The following TASOR variants were observed in gnomAD, a reference collection of about 807,000 sequenced individuals.
TASOR encodes the protein transcription activation suppressor, also known as protein TASOR.
A neutral mutation model predicts 178.6 loss-of-function variants in TASOR; 53 were observed. The observed-to-expected ratio is 0.30, with a 90% CI of 0.24 to 0.37. The LOEUF is 0.37. TASOR is among the 10% of genes least tolerant of loss of function. The pLI is 1.00. For missense variants in TASOR, 1,815 were observed against 1,971.4 expected, an observed-to-expected ratio of 0.92 and a Z score of 1.50; for synonymous variants, 713 against 696.2, an observed-to-expected ratio of 1.02 and a Z score of -0.38.
intron 11 of TASOR, among the ~76,000 whole-genome samples, chr3:56,660,489 C>CA (rs35016053): frequency 0.064 from 4,222 of 65,674 alleles, 206 homozygotes; most frequent in African/African-American, 0.13. Context: ...GACTCCGTCT[C>CA]AAAAAAAAAA....
At chr3:56,649,383 A>C (rs968878903) in intron 11 of TASOR, among the ~76,000 whole-genome samples, 1 of 152,202 alleles carries the variant, frequency 6.6e-6, no homozygotes, top group Non-Finnish European at 1.5e-5. Flanking sequence ...ATCAGTTCAA[A>C]AGACATGTTT....
chr3:56,660,085 TCTC>T (rs2107608861), intron 11 of TASOR, among the ~76,000 whole-genome samples: 1 of 151,994 alleles, frequency 6.6e-6, no homozygotes, highest in East Asian at 2.0e-4. Flanking sequence ...ATGGTCCCGA[TCTC>T]CTGATCTTAT....
chr3:56,675,133 A>C (rs1025045234), intron 1 of TASOR, among the ~76,000 whole-genome samples: 1 of 148,796 alleles, frequency 6.7e-6, no homozygotes, highest in African/African-American at 2.5e-5. Flanking sequence ...CAGGACATTT[A>C]AGTTTTTATC....
intron 11 of TASOR, among the ~76,000 whole-genome samples, chr3:56,656,508 T>G (rs1288484024): frequency 6.6e-6 from 1 of 152,090 alleles, no homozygotes; most frequent in African/African-American, 2.4e-5. Context: ...GGAGAATTCC[T>G]TGAACCTGGG....
intron 11 of TASOR, among the ~76,000 whole-genome samples, chr3:56,653,550 T>C (rs545077613): frequency 2.3e-4 from 35 of 151,212 alleles, no homozygotes; most frequent in African/African-American, 8.2e-4. Flanking sequence ...ATAGAAGCCA[T>C]AAGACACTGC....
intron 23 of TASOR, chr3:56,623,893 A>AT (rs1559810253): frequency 1.9e-5 from 28 of 1,457,842 alleles, no homozygotes; most frequent in Non-Finnish European, 2.5e-5. Context: ...ATAAAATAAA[A>AT]TTTTTTGACA....
At position 56,682,865 on chromosome 3, in the gene TASOR, T is replaced by C. The variant is rs763048926; in HGVS notation, c.142A>G (p.Ile48Val). The C allele has an allele frequency of 3.2e-5, 49 of 1,549,438 alleles. 1 individual carries two copies. In the Middle Eastern group the frequency reaches 6.7e-4, roughly 21 times the overall value. The change falls in exon 1 of 24, where the codon ATC becomes GTC. Residue 48 changes from isoleucine (I) to valine (V), a missense_variant. This residue lies in a region of TASOR where 244 missense variants were observed against 202.7 expected (regional missense o/e 1.20). Transcript: ENST00000683822. The stretch of plus-strand genomic sequence containing the variant: ...CCAGCGCCGCCGCTGGGCTCAGCGA[T>C]GTTGAGGCCGCCGCCGCCGCCATTT... ...QQNGGGGGLNIAEPSGGAGRE... is the reference protein window; with the variant it reads ...QQNGGGGGLNVAEPSGGAGRE...
chr3:56,629,613 T>C (rs1245766115), intron 18 of TASOR, among the ~76,000 whole-genome samples: 1 of 152,244 alleles, frequency 6.6e-6, no homozygotes, highest in Non-Finnish European at 1.5e-5. Context: ...AACATGGTAC[T>C]GCCTTTCACA....
intron 14 of TASOR, among the ~76,000 whole-genome samples, chr3:56,645,546 T>G (rs1164752883): frequency 6.6e-6 from 1 of 152,226 alleles, no homozygotes; most frequent in African/African-American, 2.4e-5. Context: ...AAGAACTCAT[T>G]CTGTGCTTAT....
At chr3:56,665,776 C>T (rs960328079) in intron 7 of TASOR, among the ~76,000 whole-genome samples, 15 of 152,022 alleles carry the variant, frequency 9.9e-5, no homozygotes, top group African/African-American at 3.6e-4. Flanking sequence ...TCAAGACCAT[C>T]CTGGGTAACA....
At chr3:56,636,079 A>T (rs1472223208) in intron 17 of TASOR, among the ~76,000 whole-genome samples, 1 of 152,014 alleles carries the variant, frequency 6.6e-6, no homozygotes, top group Admixed American at 6.6e-5. Context: ...CAAGGCAGGC[A>T]GATCACCTGA....
chr3:56,665,710 G>A lies in TASOR; in HGVS notation c.1022+550C>T, dbSNP rs572838920. On this transcript the variant is annotated intron_variant, in intron 7 of 23. Transcript: ENST00000683822. ...TTACTGGCCAGGTGCGGTGGCTGAC[G>A]CCTGTAATCCCAGCACTTTGGGAGG... Among the ~76,000 whole-genome samples, 10 of 152,070 alleles carry A rather than the reference G, an allele frequency of 6.6e-5. No homozygotes were observed. The South Asian group carries it at 8.3e-4, about 13-fold the overall frequency.
intron 7 of TASOR, 32 bp downstream of exon 7, chr3:56,666,228 T>G (rs1365633539): frequency 6.6e-7 from 1 of 1,503,836 alleles, no homozygotes; most frequent in African/African-American, 1.4e-5. Flanking sequence ...GAATTATCAC[T>G]GCGGATGATG....
Position 56,673,599 on chromosome 3 carries a change from T to G in TASOR, c.458A>C (p.Asn153Thr). 1 of 1,549,882 alleles carries G rather than the reference T, an allele frequency of 6.5e-7. No individual in the cohort carries two copies. Among genetic ancestry groups the G allele is most frequent in the Non-Finnish European group, 8.7e-7 (1 of 1,146,372 alleles). Reference sequence around the variant, plus strand: ...ACATACCTCCTTTTCCAAAAGCTCATTGTGTACCAAGCAAGCACGTCTGTA... The same window carrying G: ...ACATACCTCCTTTTCCAAAAGCTCAGTGTGTACCAAGCAAGCACGTCTGTA... ...FNYRRACLVH[N>T]ELLEKEFTEK... Residue 153 changes from asparagine (N) to threonine (T), a missense_variant, in exon 2 of 24, where the codon AAT (asparagine) becomes ACT (threonine). By Grantham distance (65) the Asn-to-Thr change is moderately conservative (BLOSUM62 0). This residue lies in a region of TASOR where 244 missense variants were observed against 202.7 expected (regional missense o/e 1.20). Transcript: ENST00000683822.
At position 56,621,158 on chromosome 3, in the gene TASOR, CCAAAAAAAAACAAAACAACAA is replaced by C. The variant is rs2076500793; in HGVS notation, c.*1858_*1878del. 1 of 111,726 alleles carries C rather than the reference CCAAAAAAAAACAAAACAACAA, an allele frequency of 9.0e-6. No homozygotes were observed. The highest frequency in any genetic ancestry group is 4.6e-4 in the South Asian group (1 of 2,158). 6.9% of individuals were successfully genotyped at this position (111,726 alleles called of 1,614,324 possible). On this transcript the variant is annotated 3_prime_UTR_variant, in exon 24 of 24. Coordinates refer to ENST00000683822, the MANE Select transcript of TASOR (RefSeq NM_001365635.2). ...TGGGCGACAGAGCGAGACTCCATCT[CCAAAAAAAAACAAAACAACAA>C]CAACAAAAAAAAAACACTGTATGTT...
At chr3:56,676,329 T>G (rs2031292586) in intron 1 of TASOR, among the ~76,000 whole-genome samples, 1 of 152,146 alleles carries the variant, frequency 6.6e-6, no homozygotes, top group African/African-American at 2.4e-5. Context: ...TTTCACAAAT[T>G]CAACAATTCA....
chr3:56,682,467 C>T (rs1337476584), intron 1 of TASOR, among the ~76,000 whole-genome samples: 2 of 151,862 alleles, frequency 1.3e-5, no homozygotes, highest in Non-Finnish European at 2.9e-5. Context: ...CCAACTTCCG[C>T]GGGGAGGGGC....
rs1166584699 is a variant in TASOR at position 56,622,159 on chromosome 3, A to AGTT, written c.*875_*877dup. Reference sequence around the variant, plus strand: ...TGCAATTTTCAAAAACATTTTTAAAAGTTAGCATTAGTAACAAGTTAGTAA... The same window carrying AGTT: ...TGCAATTTTCAAAAACATTTTTAAAAGTTGTTAGCATTAGTAACAAGTTAGTAA... On this transcript the variant is annotated 3_prime_UTR_variant, in exon 24 of 24. Transcript: ENST00000683822. 2.0e-5 allele frequency: 3 copies of AGTT among 152,364 alleles called. No individual in the cohort carries two copies. The highest frequency in any genetic ancestry group is 6.5e-5 in the Admixed American group (1 of 15,306). 9.4% of individuals were successfully genotyped at this position (152,364 alleles called of 1,614,324 possible).
rs1317874730 is a variant in TASOR at position 56,624,909 on chromosome 3, T to G, written c.4237A>C (p.Thr1413Pro). 3.7e-6 allele frequency: 6 copies of G among 1,614,022 alleles called. No homozygotes were observed. The highest frequency in any genetic ancestry group is 5.1e-6 in the Non-Finnish European group (6 of 1,180,008). ...ILSYHNCDSQ[T>P]RNAPELDCLI... ...CAATCCAATTCTGGAGCATTTCGAG[T>G]TTGTGAATCACAATTGTGGTATGAC... is the stretch of plus-strand genomic sequence containing the variant. The change falls in exon 22 of 24, where the codon ACT becomes CCT. Residue 1413 changes from threonine to proline, a missense_variant. By Grantham distance (38) the Thr-to-Pro change is conservative (BLOSUM62 -1). Around this residue, in one of 5 missense-constraint regions of TASOR, gnomAD observed 134 missense variants for 195.2 expected, o/e 0.69. Coordinates refer to ENST00000683822, the MANE Select transcript of TASOR (RefSeq NM_001365635.2).
Sources: gnomAD v4.1 joint callset for allele counts (sites outside exome capture counted in the v4.1 genomes callset) on GRCh38, gnomAD v4.1.1 for gene constraint, gnomAD v4.1.1 regional missense constraint, MANE v1.5 for transcripts, NCBI Gene and HGNC (gene_info 2026-07-23, HGNC 2026-07-21) for gene names.